Variants in HOXA11 observed in about 807,000 individuals in gnomAD.
HOXA11 encodes the protein homeobox A11.
A neutral mutation model predicts 22.5 loss-of-function variants in HOXA11; 8 were observed. The observed-to-expected ratio is 0.36, with a 90% CI of 0.21 to 0.64. The LOEUF is 0.64. Ranked by LOEUF, HOXA11 falls within the 30% of genes least tolerant of loss-of-function variation. The pLI is 0.67. For synonymous variants in HOXA11, 211 were observed against 188.4 expected, an observed-to-expected ratio of 1.12 and a Z score of -0.98; for missense variants, 388 against 429.0, an observed-to-expected ratio of 0.90 and a Z score of 0.84.
At chr7:27,184,400 C>CT (rs1228081189) in intron 1 of HOXA11, 36 bp downstream of exon 1, 1 of 1,566,684 alleles carries the variant, frequency 6.4e-7, no homozygotes, top group Non-Finnish European at 8.7e-7. Flanking sequence ...TCCAACTCCC[C>CT]TTTCATAAAG....
chr7:27,182,786 C>T lies in HOXA11; in HGVS notation c.*10G>A, dbSNP rs1025013154. 13 of 1,539,780 alleles carry T rather than the reference C, an allele frequency of 8.4e-6. No individual in the cohort carries two copies. The highest frequency in any genetic ancestry group is 2.2e-5 in the East Asian group (1 of 44,530). On this transcript the variant is annotated 3_prime_UTR_variant, in exon 2 of 2. Coordinates refer to ENST00000006015, the MANE Select transcript of HOXA11 (RefSeq NM_005523.6). ...ATGAAGCCCCCCACCCAATTCCAGC[C>T]GCTGGAGTCTTAGAGGAGTGGATTT...
chr7:27,181,849 G>A lies in HOXA11; in HGVS notation c.*947C>T, dbSNP rs1201264138. On this transcript the variant is annotated 3_prime_UTR_variant, in exon 2 of 2. Coordinates refer to ENST00000006015, the MANE Select transcript of HOXA11 (RefSeq NM_005523.6). ...GGTGCTGGAACCCGGTGTTTTGGGG[G>A]ACTCAAGGCCCTCATAGCCAAAGCT... is the stretch of plus-strand genomic sequence containing the variant. The A allele has an allele frequency of 1.4e-5, 3 of 221,126 alleles. No homozygotes were observed. Among genetic ancestry groups the A allele is most frequent in the Admixed American group, 5.8e-5 (1 of 17,360 alleles). The allele number at this position is 221,126 out of a possible 1,614,324, so 13.7% of individuals were successfully genotyped here. A position where few individuals can be genotyped will look rare whatever the true frequency, so the allele number is the denominator to read the frequency against.
Position 27,185,162 on chromosome 7 carries a change from C to G in HOXA11, c.-18G>C. 1 of 1,613,566 alleles carries G rather than the reference C, an allele frequency of 6.2e-7. No individual in the cohort carries two copies. The highest frequency in any genetic ancestry group is 8.5e-7 in the Non-Finnish European group (1 of 1,179,982). On this transcript the variant is annotated 5_prime_UTR_variant, in exon 1 of 2. Transcript: ENST00000006015. Reference sequence around the variant, plus strand: ...AAATCCATTATTGGGCTACCTTGGGCTCTCCGCAGTAGCCGAGCTTAACAT... The same window carrying G: ...AAATCCATTATTGGGCTACCTTGGGGTCTCCGCAGTAGCCGAGCTTAACAT...
In HOXA11 at chr7:27,184,692, C is replaced by T. The variant is rs1236279017; in HGVS notation, c.453G>A (p.Pro151=). The change falls in exon 1 of 2, where the codon CCG becomes CCA. Residue 151 remains proline, a synonymous_variant. Coordinates refer to ENST00000006015, the MANE Select transcript of HOXA11 (RefSeq NM_005523.6). ...DQFFETAYGT[P]ENLASSDYPG... Reference sequence around the variant, plus strand: ...GGTAGTCGGAGGAGGCGAGGTTTTCCGGGGTGCCGTAGGCTGTCTCGAAAA... The same window carrying T: ...GGTAGTCGGAGGAGGCGAGGTTTTCTGGGGTGCCGTAGGCTGTCTCGAAAA... The T allele has an allele frequency of 1.9e-6, 3 of 1,613,276 alleles. No individual in the cohort carries two copies. The highest frequency in any genetic ancestry group is 2.7e-5 in the African/African-American group (2 of 74,930).
chr7:27,181,452 C>T lies in HOXA11; in HGVS notation c.*1344G>A, dbSNP rs1783765469. Reference sequence around the variant, plus strand: ...TCAATACCTTTTCCACCCCCTCCAACACCCTAAAGGAAATCAACTAATGGC... The same window carrying T: ...TCAATACCTTTTCCACCCCCTCCAATACCCTAAAGGAAATCAACTAATGGC... On this transcript the variant is annotated 3_prime_UTR_variant, in exon 2 of 2. Transcript: ENST00000006015. The T allele has an allele frequency of 2.0e-5, 4 of 197,378 alleles. No homozygotes were observed. The highest frequency in any genetic ancestry group is 4.6e-5 in the African/African-American group (2 of 43,196). The allele number at this position is 197,378 out of a possible 1,614,324, so 12.2% of individuals were successfully genotyped here. A position where few individuals can be genotyped will look rare whatever the true frequency, so the allele number is the denominator to read the frequency against.
At chr7:27,184,150 C>G (rs936970645) in intron 1 of HOXA11, among the ~76,000 whole-genome samples, 1 of 152,262 alleles carries the variant, frequency 6.6e-6, no homozygotes, top group African/African-American at 2.4e-5. Flanking sequence ...TGGAGCTGGC[C>G]CCGAGCGGGG....
In HOXA11 at chr7:27,182,546, C is replaced by T. The variant is rs1428181570; in HGVS notation, c.*250G>A. On this transcript the variant is annotated 3_prime_UTR_variant, in exon 2 of 2. Transcript: ENST00000006015. ...AGCTCTGCAGGCTCCAAGAGTGAAC[C>T]ACCAGGGGTCCCAAACCTGTCATTC... is the stretch of plus-strand genomic sequence containing the variant. 2 of 550,158 alleles carry T rather than the reference C, an allele frequency of 3.6e-6. No individual in the cohort carries two copies. Among genetic ancestry groups the T allele is most frequent in the East Asian group, 3.2e-5 (1 of 31,276 alleles). The allele number at this position is 550,158 out of a possible 1,614,324, so 34.1% of individuals were successfully genotyped here. A position where few individuals can be genotyped will look rare whatever the true frequency, so the allele number is the denominator to read the frequency against.
chr7:27,183,052 G>A (rs767500718), intron 1 of HOXA11, 24 bp from the exon 2 acceptor site: 1 of 1,516,628 alleles, frequency 6.6e-7, no homozygotes, highest in African/African-American at 1.4e-5. Context: ...AAAGGCATGG[G>A]GTGAGCCAGG....
At position 27,184,584 on chromosome 7, in the gene HOXA11, C is replaced by T. The variant is rs542683559; in HGVS notation, c.561G>A (p.Pro187=). ...CGCCGCTGTCCGAACTTGAAGTTGCCGGCGCGCCCGTTGCAGCCGCCGCCG... is the reference window on the plus strand; with the variant it reads ...CGCCGCTGTCCGAACTTGAAGTTGCTGGCGCGCCCGTTGCAGCCGCCGCCG... ...AAAAAAATGA[P]ATSSSDSGGG... Residue 187 remains proline (P), a synonymous_variant, in exon 1 of 2, where the codon CCG becomes CCA. Transcript: ENST00000006015. The T allele has an allele frequency of 2.0e-6, 3 of 1,495,220 alleles. No homozygotes were observed. The highest frequency in any genetic ancestry group is 2.6e-5 in the South Asian group (2 of 77,500). The allele number at this position is 1,495,220 out of a possible 1,614,324, so 92.6% of individuals were successfully genotyped here. A position where few individuals can be genotyped will look rare whatever the true frequency, so the allele number is the denominator to read the frequency against.
At position 27,181,443 on chromosome 7, in the gene HOXA11, C is replaced by G. The variant is rs561572484; in HGVS notation, c.*1353G>C. On this transcript the variant is annotated 3_prime_UTR_variant, in exon 2 of 2. Coordinates refer to ENST00000006015, the MANE Select transcript of HOXA11 (RefSeq NM_005523.6). ...AGACCATTCTCAATACCTTTTCCAC[C>G]CCCTCCAACACCCTAAAGGAAATCA... is the stretch of plus-strand genomic sequence containing the variant. The G allele has an allele frequency of 6.7e-6, 1 of 149,036 alleles. No homozygotes were observed. The highest frequency in any genetic ancestry group is 3.4e-5 in the African/African-American group (1 of 29,030). 9.2% of individuals were successfully genotyped at this position (149,036 alleles called of 1,614,324 possible).
At chr7:27,183,690 G>A (rs1377062736) in intron 1 of HOXA11, among the ~76,000 whole-genome samples, 1 of 147,296 alleles carries the variant, frequency 6.8e-6, no homozygotes, top group Non-Finnish European at 1.5e-5. Flanking sequence ...ATCTTAGGTA[G>A]GGTGAAGGGA....
In HOXA11 at chr7:27,185,104, T is replaced by C. The variant is rs1361365338; in HGVS notation, c.41A>G (p.Tyr14Cys). The C allele has an allele frequency of 6.2e-7, 1 of 1,613,898 alleles. No individual in the cohort carries two copies. Among genetic ancestry groups the C allele is most frequent in the East Asian group, 2.2e-5 (1 of 44,860 alleles). The change falls in exon 1 of 2, where the codon TAT becomes TGT. Residue 14 changes from tyrosine to cysteine, a missense_variant. Tyr to Cys is a radical substitution (Grantham distance 194, BLOSUM62 -2). Transcript: ENST00000006015. ...GACGTAGTAAGTACAACTTGGCAAA[T>C]ACATGTTAGAGGAGCAGGGACCACG... ...DERGPCSSNMYLPSCTYYVSG... is the reference protein window; with the variant it reads ...DERGPCSSNMCLPSCTYYVSG...
chr7:27,183,562 C>T (rs1212797677), intron 1 of HOXA11, among the ~76,000 whole-genome samples: 1 of 152,170 alleles, frequency 6.6e-6, no homozygotes, highest in Non-Finnish European at 1.5e-5. Flanking sequence ...TTCTGCCTCC[C>T]CGGCCAGCCT....
Position 27,184,452 on chromosome 7 carries a change from G to T in HOXA11, c.693C>A (p.Asp231Glu). 6.4e-7 allele frequency: 1 copy of T among 1,568,844 alleles called. No individual in the cohort carries two copies. The highest frequency in any genetic ancestry group is 1.2e-5 in the South Asian group (1 of 85,612). The change falls in exon 1 of 2, where the codon GAC becomes GAA. Residue 231 changes from aspartate (D) to glutamate (E), a missense_variant. Physicochemically the swap from Asp to Glu is conservative, Grantham distance 45. Coordinates refer to ENST00000006015, the MANE Select transcript of HOXA11 (RefSeq NM_005523.6). ...TATACGTACTGGAGCCGCCGGCCTT[G>T]TCCTCAGTGTGGCCGGAAGACGACT... is the stretch of plus-strand genomic sequence containing the variant. ...SPESSSGHTEDKAGGSSGQRT... is the reference protein window; with the variant it reads ...SPESSSGHTEEKAGGSSGQRT...
In HOXA11 at chr7:27,183,036, G is replaced by A. The variant is rs1490481438; in HGVS notation, c.710-8C>T. ...TGCGGGTGCGTTGGCCACCTGTGGA[G>A]GGAGAAAAGGCATGGGGTGAGCCAG... On this transcript the variant is annotated splice_polypyrimidine_tract_variant and splice_region_variant and intron_variant, in intron 1 of 1. Transcript: ENST00000006015. 1 of 1,599,778 alleles carries A rather than the reference G, an allele frequency of 6.3e-7. No homozygotes were observed. Among genetic ancestry groups the A allele is most frequent in the Non-Finnish European group, 8.6e-7 (1 of 1,167,760 alleles).
At chr7:27,184,245 G>A (rs571099371) in intron 1 of HOXA11, among the ~76,000 whole-genome samples, 191 bp downstream of exon 1, 2 of 152,286 alleles carry the variant, frequency 1.3e-5, no homozygotes, top group African/African-American at 2.4e-5. Context: ...TGGCCGGTGG[G>A]TATTTCACGG....
chr7:27,184,288 T>C (rs1368840007), intron 1 of HOXA11, 148 bp downstream of exon 1: 3 of 752,928 alleles, frequency 4.0e-6, no homozygotes, highest in Non-Finnish European at 6.2e-6. Flanking sequence ...GATCCCGCCT[T>C]TTATAACAAA....
Position 27,185,149 on chromosome 7 carries a change from G to A in HOXA11, c.-5C>T. 1 of 1,613,694 alleles carries A rather than the reference G, an allele frequency of 6.2e-7. No individual in the cohort carries two copies. The highest frequency in any genetic ancestry group is 8.5e-7 in the Non-Finnish European group (1 of 1,180,000). On this transcript the variant is annotated 5_prime_UTR_variant, in exon 1 of 2. Coordinates refer to ENST00000006015, the MANE Select transcript of HOXA11 (RefSeq NM_005523.6). ...ACCACGCTCATCAAAATCCATTATT[G>A]GGCTACCTTGGGCTCTCCGCAGTAG...
At chr7:27,184,118 G>A (rs529282312) in intron 1 of HOXA11, among the ~76,000 whole-genome samples, 4 of 152,272 alleles carry the variant, frequency 2.6e-5, no homozygotes, top group African/African-American at 9.6e-5. Context: ...ATTTACAGGC[G>A]CCCACCTCCG....
Sources: gnomAD v4.1 joint callset for allele counts (sites outside exome capture counted in the v4.1 genomes callset) on GRCh38, gnomAD v4.1.1 for gene constraint, MANE v1.5 for transcripts, NCBI Gene and HGNC (gene_info 2026-07-23, HGNC 2026-07-21) for gene names.